The following SOX5 variants were observed in gnomAD, a reference collection of about 807,000 sequenced individuals.
The protein encoded by SOX5 is SRY-box transcription factor 5.
SOX5 carries 9 observed loss-of-function variants against 92.0 expected under a neutral mutation model. The observed-to-expected ratio is 0.10, with a 90% CI of 0.06 to 0.17. The LOEUF is 0.17. SOX5 is among the 10% of genes least tolerant of loss of function. The pLI, the probability that SOX5 is intolerant of heterozygous loss-of-function variation, is 1.00. For missense variants in SOX5, 642 were observed against 944.5 expected (o/e 0.68, Z 4.20); for synonymous variants, 344 against 336.3 (o/e 1.02, Z -0.25).
intron 1 of SOX5, among the ~76,000 whole-genome samples, chr12:24,507,880 A>G (rs1293198257): frequency 6.6e-6 from 1 of 152,172 alleles, no homozygotes; most frequent in African/African-American, 2.4e-5. Context: ...CCTTCTGTAA[A>G]TATTTGAAAA....
chr12:24,212,138 G>T (rs1958685374), intron 4 of SOX5, among the ~76,000 whole-genome samples: 1 of 152,198 alleles, frequency 6.6e-6, no homozygotes, highest in Non-Finnish European at 1.5e-5. Context: ...TTAGCTAAAA[G>T]CAGAGAGTTA....
chr12:24,046,763 G>T (rs983437474), intron 4 of SOX5, among the ~76,000 whole-genome samples: 3 of 144,052 alleles, frequency 2.1e-5, no homozygotes, highest in Admixed American at 1.5e-4. Context: ...CACTGCAACC[G>T]CTGCCTCCTG....
intron 1 of SOX5, among the ~76,000 whole-genome samples, chr12:24,481,023 T>C (rs1042519632): frequency 1.3e-5 from 2 of 152,192 alleles, no homozygotes; most frequent in Admixed American, 6.5e-5. Flanking sequence ...CATCTACAGA[T>C]AAATGAACAA....
At chr12:23,761,842 T>C (rs1413540114) in intron 3 of SOX5, among the ~76,000 whole-genome samples, 2 of 152,164 alleles carry the variant, frequency 1.3e-5, no homozygotes, top group Admixed American at 6.5e-5. Context: ...GTTAACTTGA[T>C]GTTCTACTCT....
chr12:23,692,618 T>C (rs1448262598), intron 6 of SOX5, among the ~76,000 whole-genome samples: 1 of 152,182 alleles, frequency 6.6e-6, no homozygotes, highest in East Asian at 1.9e-4. Flanking sequence ...GAAAAGAATA[T>C]TTCGTTTCTA....
intron 1 of SOX5, among the ~76,000 whole-genome samples, chr12:24,453,119 A>G (rs1942552172): frequency 1.3e-5 from 2 of 152,176 alleles, no homozygotes; most frequent in South Asian, 4.1e-4. Context: ...CAGAAAATCT[A>G]TTGAAGAGTA....
rs1941511545 is a variant in SOX5, at chr12:23,539,739, T to C, written c.1772-3070A>G. Among the ~76,000 whole-genome samples, 3 of 152,242 alleles carry C rather than the reference T, an allele frequency of 2.0e-5. No homozygotes were observed. The South Asian group carries it at 6.2e-4, about 32-fold the overall frequency. ...AATTATAAAATAGTTTAACTCTTGA[T>C]AGTATAATTTCTTTGAGAGTATCAC... On this transcript the variant is annotated intron_variant, in intron 13 of 14. Coordinates refer to ENST00000451604, the MANE Select transcript of SOX5 (RefSeq NM_006940.6).
intron 3 of SOX5, among the ~76,000 whole-genome samples, chr12:24,226,883 AATAAATC>A (rs1962155363): frequency 2.4e-5 from 1 of 42,534 alleles, no homozygotes; most frequent in Non-Finnish European, 6.2e-5. Context: ...TGAATGAATG[AATAAATC>A]TACTGGATCC....
chr12:23,768,331 G>A (rs2094807850), intron 3 of SOX5, among the ~76,000 whole-genome samples: 1 of 152,042 alleles, frequency 6.6e-6, no homozygotes, highest in Non-Finnish European at 1.5e-5. Context: ...ACTCAAAGGT[G>A]TTTATACCGC....
At chr12:23,842,231 T>C (rs753572734) in intron 3 of SOX5, among the ~76,000 whole-genome samples, 2 of 152,130 alleles carry the variant, frequency 1.3e-5, no homozygotes, top group Admixed American at 6.6e-5. Context: ...TCTACATGTA[T>C]ACTAGAACTG....
At position 23,605,926 on chromosome 12, in the gene SOX5, A is replaced by C. The variant is rs182622869; in HGVS notation, c.1018-1393T>G. 5.4e-3 allele frequency among the ~76,000 whole-genome samples: 828 copies of C among 152,196 alleles called. 10 individuals carry two copies. The highest frequency in any genetic ancestry group is 0.019 in the African/African-American group (774 of 41,570). ...ATATTTTTATATTAATAATTGTCTC[A>C]TAAGGGTTTTATGTGTTGGAATAAT... On this transcript the variant is annotated intron_variant, in intron 8 of 14. Coordinates refer to ENST00000451604, the MANE Select transcript of SOX5 (RefSeq NM_006940.6).
intron 7 of SOX5, among the ~76,000 whole-genome samples, chr12:23,656,695 T>C (rs1326639446): frequency 6.6e-6 from 1 of 152,038 alleles, no homozygotes; most frequent in Non-Finnish European, 1.5e-5. Flanking sequence ...ACATAGTATA[T>C]GTATCATATT....
chr12:23,885,849 T>C (rs2097058416), intron 2 of SOX5, among the ~76,000 whole-genome samples: 1 of 148,722 alleles, frequency 6.7e-6, no homozygotes, highest in African/African-American at 2.5e-5. Context: ...GGAAAAAAAA[T>C]TGCTTTCCAA....
chr12:23,771,816 T>C (rs962247382), intron 3 of SOX5, among the ~76,000 whole-genome samples: 10 of 152,202 alleles, frequency 6.6e-5, no homozygotes, highest in African/African-American at 2.4e-4. Flanking sequence ...TACAAAACAG[T>C]GCCTGAAAGA....
At chr12:24,496,047 A>G (rs572396577) in intron 1 of SOX5, among the ~76,000 whole-genome samples, 2 of 152,224 alleles carry the variant, frequency 1.3e-5, no homozygotes, top group Non-Finnish European at 2.9e-5. Context: ...TGTTCAAGGC[A>G]GAACAACTTT....
intron 8 of SOX5, among the ~76,000 whole-genome samples, chr12:23,617,157 G>A (rs1026061946): frequency 1.3e-5 from 2 of 150,518 alleles, no homozygotes; most frequent in Non-Finnish European, 3.0e-5. Context: ...AAGATAGATG[G>A]CAGGAGGATA....
chr12:24,486,660 A>T (rs1438485414), intron 1 of SOX5, among the ~76,000 whole-genome samples: 1 of 152,118 alleles, frequency 6.6e-6, no homozygotes, highest in African/African-American at 2.4e-5. Context: ...AATAAGACTC[A>T]TAGAATGTAA....
intron 4 of SOX5, among the ~76,000 whole-genome samples, chr12:23,984,500 T>C (rs1215616370): frequency 1.3e-5 from 2 of 152,194 alleles, no homozygotes; most frequent in African/African-American, 4.8e-5. Context: ...AATAGTGTGT[T>C]CACAATTCTA....
chr12:23,883,531 A>T (rs1025382781), intron 2 of SOX5, among the ~76,000 whole-genome samples: 2 of 152,168 alleles, frequency 1.3e-5, no homozygotes, highest in African/African-American at 4.8e-5. Context: ...CATTTCTGAA[A>T]ATTCTATTGT....
Sources: allele counts gnomAD v4.1 joint callset (sites outside exome capture counted in the v4.1 genomes callset), GRCh38; gene constraint gnomAD v4.1.1; transcripts MANE v1.5; gene names NCBI Gene and HGNC (gene_info 2026-07-23, HGNC 2026-07-21).